Variants in ALG9 observed in about 807,000 individuals in gnomAD.
ALG9 encodes the protein alpha-1,2-mannosyltransferase ALG9.
ALG9 carries 55 observed loss-of-function variants against 81.8 expected under a neutral mutation model. That is an observed-to-expected ratio of 0.67 (90% CI 0.54 to 0.84). ALG9 has a LOEUF of 0.84. ALG9 is among the 40% of genes least tolerant of loss of function. The pLI is 0.00. For synonymous variants in ALG9, 278 were observed against 274.3 expected, an observed-to-expected ratio of 1.01 and a Z score of -0.13; for missense variants, 629 against 745.0, an observed-to-expected ratio of 0.84 and a Z score of 1.81.
chr11:111,840,678 C>A lies in ALG9; in HGVS notation c.1150G>T (p.Ala384Ser). ...PVYPLICLCG[A>S]VALSALQHSF... ...ACCTGAAGTGCAGAGAGAGCCACAGCGCCACAGAGACATATAAGTGGATAC... is the reference window on the plus strand; with the variant it reads ...ACCTGAAGTGCAGAGAGAGCCACAGAGCCACAGAGACATATAAGTGGATAC... The change falls in exon 10 of 15, where the codon GCT becomes TCT. Residue 384 changes from alanine to serine, a missense_variant. Ala to Ser is a moderately conservative substitution (Grantham distance 99). Coordinates refer to ENST00000616540, the MANE Select transcript of ALG9 (RefSeq NM_024740.2). 1 of 1,613,896 alleles carries A rather than the reference C, an allele frequency of 6.2e-7. No homozygotes were observed. The highest frequency in any genetic ancestry group is 8.5e-7 in the Non-Finnish European group (1 of 1,179,962).
chr11:111,813,721 C>A (rs1469350694), intron 13 of ALG9, among the ~76,000 whole-genome samples: 1 of 152,092 alleles, frequency 6.6e-6, no homozygotes, highest in Non-Finnish European at 1.5e-5. Flanking sequence ...TAAGAATAAA[C>A]TGAAATGGCC....
At chr11:111,839,991 TG>T (rs1555122079) in intron 10 of ALG9, among the ~76,000 whole-genome samples, 1 of 152,182 alleles carries the variant, frequency 6.6e-6, no homozygotes, top group Non-Finnish European at 1.5e-5. Context: ...ACAGGGTTTT[TG>T]ATCTAAAACT....
chr11:111,861,664 A>C (rs1250646329), intron 4 of ALG9, among the ~76,000 whole-genome samples: 1 of 152,112 alleles, frequency 6.6e-6, no homozygotes, highest in Non-Finnish European at 1.5e-5. Context: ...TGTAGAGATG[A>C]GGTCTTGCTA....
At position 111,811,793 on chromosome 11, in the gene ALG9, G is replaced by A. The variant is rs1321972150; in HGVS notation, c.1603-2020C>T. On this transcript the variant is annotated intron_variant, in intron 13 of 14. Transcript: ENST00000616540. ...CCATTTATATGAAATGTTCGTAATA[G>A]GCAAATCCTCCAAGACAGAAAACAG... 3.9e-5 allele frequency among the ~76,000 whole-genome samples: 6 copies of A among 152,200 alleles called. No homozygotes were observed. The East Asian group carries it at 5.8e-4, about 15-fold the overall frequency.
chr11:111,864,830 T>A (rs1232884406), intron 4 of ALG9, among the ~76,000 whole-genome samples: 3 of 151,950 alleles, frequency 2.0e-5, no homozygotes, highest in Admixed American at 2.0e-4. Flanking sequence ...CAGGCTGGAG[T>A]GCAATGGCAC....
At chr11:111,861,769 C>CCTTTTTTTTTCCCTTTCT (rs1960229167) in intron 4 of ALG9, among the ~76,000 whole-genome samples, 1 of 152,092 alleles carries the variant, frequency 6.6e-6, no homozygotes, top group Non-Finnish European at 1.5e-5. Flanking sequence ...CAGGCTTCTT[C>CCTTTTTTTTTCCCTTTCT]CTTTTTTTTT....
chr11:111,856,881 C>T (rs533466770), intron 6 of ALG9, among the ~76,000 whole-genome samples: 11 of 152,100 alleles, frequency 7.2e-5, no homozygotes, highest in African/African-American at 2.7e-4. Context: ...CCAAGGTGAG[C>T]GGATCACCTG....
intron 5 of ALG9, 154 bp from the exon 6 acceptor site, chr11:111,857,891 G>A: frequency 1.2e-6 from 1 of 844,492 alleles, no homozygotes; most frequent in African/African-American, 1.7e-5. Context: ...GGACAGCAAA[G>A]TGATATTCTT....
chr11:111,865,414 AGTATACC>A (rs1347329475), intron 3 of ALG9, among the ~76,000 whole-genome samples, 163 bp from the exon 4 acceptor site: 1 of 152,252 alleles, frequency 6.6e-6, no homozygotes, highest in Non-Finnish European at 1.5e-5. Flanking sequence ...ACTCAATATC[AGTATACC>A]TACTTCTATC....
At chr11:111,844,107 C>T (rs1592234256) in intron 9 of ALG9, among the ~76,000 whole-genome samples, 3 of 152,192 alleles carry the variant, frequency 2.0e-5, no homozygotes, top group African/African-American at 4.8e-5. Context: ...TGGGTTCAAA[C>T]GATTCTCCTG....
intron 9 of ALG9, among the ~76,000 whole-genome samples, chr11:111,842,582 C>T (rs1304313699): frequency 6.6e-6 from 1 of 151,660 alleles, no homozygotes; most frequent in African/African-American, 2.4e-5. Context: ...TCGCCATGCC[C>T]GGTTAATTTT....
the ALG9 span, among the ~76,000 whole-genome samples, chr11:111,777,140 C>T: frequency 7.1e-6 from 1 of 141,842 alleles, no homozygotes; most frequent in Non-Finnish European, 1.5e-5. Context: ...GCTGCTTCCT[C>T]CTCCCAACTA....
chr11:111,807,847 G>A (rs1378361618), intron 14 of ALG9, among the ~76,000 whole-genome samples: 2 of 152,164 alleles, frequency 1.3e-5, no homozygotes, highest in Non-Finnish European at 2.9e-5. Flanking sequence ...CACTTTGGGA[G>A]GCTGAGGTGG....
chr11:111,838,363 C>CA lies in ALG9; in HGVS notation c.1209dup (p.Val404CysfsTer45). 6.2e-7 allele frequency: 1 copy of CA among 1,613,548 alleles called. No individual in the cohort carries two copies. Among genetic ancestry groups the CA allele is most frequent in the African/African-American group, 1.3e-5 (1 of 75,036 alleles). ...TGCTCCAGGCGATATCGTTGAAACA[C>CA]AAAGTGGTAACATTTCTGGAAGTAC... is the stretch of plus-strand genomic sequence containing the variant. On this transcript the variant is annotated frameshift_variant, in exon 11 of 15. Transcript: ENST00000616540. LOFTEE classifies it high-confidence loss of function.
intron 12 of ALG9, among the ~76,000 whole-genome samples, chr11:111,836,970 G>A (rs1257647399): frequency 1.3e-5 from 2 of 152,134 alleles, no homozygotes; most frequent in African/African-American, 4.8e-5. Flanking sequence ...AAGAACTTTA[G>A]GGCCTATGCT....
At chr11:111,808,902 C>G (rs1358364090) in intron 14 of ALG9, among the ~76,000 whole-genome samples, 3 of 152,162 alleles carry the variant, frequency 2.0e-5, no homozygotes, top group Admixed American at 2.0e-4. Context: ...TTCTGAAGAG[C>G]GAGTCAAGCC....
intron 14 of ALG9, among the ~76,000 whole-genome samples, chr11:111,791,699 T>C (rs1322493446): frequency 6.6e-6 from 1 of 152,226 alleles, no homozygotes; most frequent in Non-Finnish European, 1.5e-5. Flanking sequence ...CCTCCTACCT[T>C]AGAGCCTTTG....
intron 3 of ALG9, among the ~76,000 whole-genome samples, chr11:111,867,144 G>A (rs1315912432): frequency 1.3e-5 from 2 of 152,160 alleles, no homozygotes; most frequent in African/African-American, 2.4e-5. Flanking sequence ...ATGAGATACC[G>A]GATAGGGAAG....
intron 10 of ALG9, among the ~76,000 whole-genome samples, chr11:111,839,670 T>C (rs1555121720): frequency 6.6e-6 from 1 of 151,664 alleles, no homozygotes; most frequent in African/African-American, 2.4e-5. Flanking sequence ...GTATATGATA[T>C]ACAAAAATGC....
Sources: allele counts gnomAD v4.1 joint callset (sites outside exome capture counted in the v4.1 genomes callset), GRCh38; gene constraint gnomAD v4.1.1; transcripts MANE v1.5; gene names NCBI Gene and HGNC (gene_info 2026-07-23, HGNC 2026-07-21).